The following WNT3A variants were observed in gnomAD, a reference collection of about 807,000 sequenced individuals.
The protein encoded by WNT3A is protein Wnt-3a.
WNT3A carries 17 observed loss-of-function variants against 37.0 expected under a neutral mutation model. That is an observed-to-expected ratio of 0.46 (90% CI 0.31 to 0.69). The LOEUF (loss-of-function observed/expected upper bound fraction) is 0.69. Among genes scored for constraint, WNT3A ranks in the 30% least tolerant of loss-of-function variants. The pLI is 0.05. For missense variants in WNT3A, 411 were observed against 510.2 expected (o/e 0.81, Z 1.87); for synonymous variants, 187 against 211.0 (o/e 0.89, Z 0.99).
chr1:228,036,632 C>G (rs1425112934), intron 2 of WNT3A, among the ~76,000 whole-genome samples: 2 of 152,150 alleles, frequency 1.3e-5, no homozygotes, highest in Admixed American at 6.5e-5. Flanking sequence ...GGGTAGAAAG[C>G]ATTTGAGGAA....
chr1:228,044,992 C>G (rs1451153903), intron 2 of WNT3A, among the ~76,000 whole-genome samples: 2 of 152,196 alleles, frequency 1.3e-5, no homozygotes, highest in Non-Finnish European at 2.9e-5. Context: ...GGAGCTCCAC[C>G]TCCACATGTG....
chr1:228,057,750 TC>T (rs1248876141), intron 3 of WNT3A, among the ~76,000 whole-genome samples: 1 of 152,200 alleles, frequency 6.6e-6, no homozygotes, highest in Non-Finnish European at 1.5e-5. Context: ...TTATAATTTG[TC>T]CCACAAATGA....
At chr1:228,029,743 C>G (rs187746214) in intron 2 of WNT3A, among the ~76,000 whole-genome samples, 10 of 146,682 alleles carry the variant, frequency 6.8e-5, no homozygotes, top group Admixed American at 1.3e-4. Flanking sequence ...TGTGCCCACC[C>G]CCCCCCCAAT....
At chr1:228,020,695 C>T (rs1017427830) in intron 1 of WNT3A, among the ~76,000 whole-genome samples, 4 of 152,248 alleles carry the variant, frequency 2.6e-5, no homozygotes, top group Admixed American at 1.3e-4. Context: ...AGGATACCTG[C>T]GTGTAGTGAA....
chr1:228,060,477 C>A lies in WNT3A; in HGVS notation c.*1012C>A. The A allele has an allele frequency of 7.8e-6, 3 of 384,656 alleles. No homozygotes were observed. Among genetic ancestry groups the A allele is most frequent in the Non-Finnish European group, 1.4e-5 (3 of 209,808 alleles). The allele number at this position is 384,656 out of a possible 1,614,324, so 23.8% of individuals were successfully genotyped here. On this transcript the variant is annotated 3_prime_UTR_variant, in exon 4 of 4. Coordinates refer to ENST00000284523, the MANE Select transcript of WNT3A (RefSeq NM_033131.4). ...GGGGAAAGCCTGAAGGGCCTCCCAG[C>A]CCCCAACCCCAAGACCAAGCTTAGT... is the stretch of plus-strand genomic sequence containing the variant.
At chr1:228,026,815 T>C (rs2030863401) in intron 2 of WNT3A, among the ~76,000 whole-genome samples, 1 of 152,216 alleles carries the variant, frequency 6.6e-6, no homozygotes, top group South Asian at 2.1e-4. Context: ...GTCTGAGTAG[T>C]ATTCCATGGT....
At chr1:228,034,056 G>A (rs530694792) in intron 2 of WNT3A, among the ~76,000 whole-genome samples, 96 of 152,226 alleles carry the variant, frequency 6.3e-4, no homozygotes, top group Admixed American at 1.2e-3. Context: ...GAGGTCAGGG[G>A]TTCAAGAACA....
rs1468563083 is a variant in WNT3A at position 228,038,983 on chromosome 1, T to G, written c.314-11673T>G. 2.0e-5 allele frequency among the ~76,000 whole-genome samples: 3 copies of G among 151,596 alleles called. No individual in the cohort carries two copies. Among genetic ancestry groups the G allele is most frequent in the Non-Finnish European group, 4.4e-5 (3 of 67,858 alleles). ...ACTTCCCGGTGGAGATTCAGCAGAG[T>G]TTTTCTCCTGGGCAGTGGGCAATGT... On this transcript the variant is annotated intron_variant, in intron 2 of 3. Transcript: ENST00000284523. This position sits in a 1 kb window ranked among gnomAD's most constrained non-coding sequence, Gnocchi z 5.7.
intron 3 of WNT3A, among the ~76,000 whole-genome samples, chr1:228,053,779 A>G (rs959542747): frequency 6.6e-6 from 1 of 152,222 alleles, no homozygotes; most frequent in Non-Finnish European, 1.5e-5. Context: ...TATGTCCTGG[A>G]AAGAGAGAGG....
intron 2 of WNT3A, among the ~76,000 whole-genome samples, chr1:228,043,535 C>T (rs1012689712): frequency 1.3e-5 from 2 of 152,338 alleles, no homozygotes; most frequent in African/African-American, 4.8e-5. Context: ...CCGTTTCACC[C>T]CCATAGCTGA....
rs2030749397 is a variant in WNT3A, at chr1:228,022,778, G to C, written c.183G>C (p.Glu61Asp). 1.2e-6 allele frequency: 2 copies of C among 1,614,086 alleles called. No individual in the cohort carries two copies. The highest frequency in any genetic ancestry group is 1.7e-6 in the Non-Finnish European group (2 of 1,180,056). The change falls in exon 2 of 4, where the codon GAG becomes GAC. Residue 61 changes from glutamate (E) to aspartate (D), a missense_variant. Physicochemically the swap from Glu to Asp is conservative, Grantham distance 45 (BLOSUM62 2). Coordinates refer to ENST00000284523, the MANE Select transcript of WNT3A (RefSeq NM_033131.4). Reference sequence around the variant, plus strand: ...TCCGCTTCTGCAGGAACTACGTGGAGATCATGCCCAGCGTGGCCGAGGGCA... The same window carrying C: ...TCCGCTTCTGCAGGAACTACGTGGACATCATGCCCAGCGTGGCCGAGGGCA... Reference protein sequence around the residue: ...KQLRFCRNYVEIMPSVAEGIK... With the variant: ...KQLRFCRNYVDIMPSVAEGIK...
chr1:228,026,323 G>T (rs1331823388), intron 2 of WNT3A, among the ~76,000 whole-genome samples: 1 of 152,020 alleles, frequency 6.6e-6, no homozygotes, highest in African/African-American at 2.4e-5. Context: ...GCTCTGGCTA[G>T]GACTTCCAGT....
intron 2 of WNT3A, among the ~76,000 whole-genome samples, chr1:228,047,464 C>T (rs772739792): frequency 1.4e-4 from 21 of 152,000 alleles, no homozygotes; most frequent in Non-Finnish European, 7.4e-5. Context: ...CGTGTGGGAG[C>T]GTCTGAGTGT....
chr1:228,007,458 C>A lies in WNT3A; in HGVS notation c.71+259C>A, dbSNP rs1328439860. ...GAGGTTGCGGAGGTCCTAGCTGCCC[C>A]TGGCGTCGGACAGGGCGAGCAGTGG... On this transcript the variant is annotated intron_variant, in intron 1 of 3. Transcript: ENST00000284523. This position sits in a 1 kb window ranked among gnomAD's most constrained non-coding sequence, Gnocchi z 6.0. Among the ~76,000 whole-genome samples, 3 of 152,166 alleles carry A rather than the reference C, an allele frequency of 2.0e-5. No individual in the cohort carries two copies. Among genetic ancestry groups the A allele is most frequent in the African/African-American group, 7.2e-5 (3 of 41,458 alleles).
rs540182837 is a variant in WNT3A, at chr1:228,035,000, C to T, written c.313+12092C>T. On this transcript the variant is annotated intron_variant, in intron 2 of 3. Transcript: ENST00000284523. ...ATATGCCACACAGGTATACATGTGG[C>T]GCAAATGTACACAGTCGGTCCCCTG... is the stretch of plus-strand genomic sequence containing the variant. Among the ~76,000 whole-genome samples the T allele has an allele frequency of 4.6e-4, 70 of 152,160 alleles. 1 individual carries two copies. The South Asian group carries it at 0.011, about 23-fold the overall frequency.
intron 1 of WNT3A, among the ~76,000 whole-genome samples, chr1:228,014,705 C>A (rs867595816): frequency 1.7e-4 from 26 of 152,262 alleles, no homozygotes; most frequent in African/African-American, 6.0e-4. Context: ...GCCGGGGAGG[C>A]CAGCGTGGCC....
intron 2 of WNT3A, among the ~76,000 whole-genome samples, chr1:228,027,266 A>T (rs531515580): frequency 5.3e-4 from 81 of 152,290 alleles, no homozygotes; most frequent in African/African-American, 1.9e-3. Flanking sequence ...TCATATAATG[A>T]CTTCTTTTCC....
chr1:228,044,135 C>A (rs533194674), intron 2 of WNT3A, among the ~76,000 whole-genome samples: 3 of 152,248 alleles, frequency 2.0e-5, no homozygotes, highest in South Asian at 4.2e-4. Flanking sequence ...ATGCACACCA[C>A]CATGCCCAGC....
In WNT3A at chr1:228,038,319, C is replaced by G. The variant is rs1433866816; in HGVS notation, c.314-12337C>G. On this transcript the variant is annotated intron_variant, in intron 2 of 3. Coordinates refer to ENST00000284523, the MANE Select transcript of WNT3A (RefSeq NM_033131.4). This position sits in a 1 kb window ranked among gnomAD's most constrained non-coding sequence, Gnocchi z 5.7. ...GGGGACCGGGGCGCGGGCTGAGTCC[C>G]CCTGTGTGCCCCACAGCAAAGGGTC... 6.6e-6 allele frequency among the ~76,000 whole-genome samples: 1 copy of G among 151,942 alleles called. No individual in the cohort carries two copies. The highest frequency in any genetic ancestry group is 2.4e-5 in the African/African-American group (1 of 41,448).
Sources: gnomAD v4.1 joint callset for allele counts (sites outside exome capture counted in the v4.1 genomes callset) on GRCh38, gnomAD v4.1.1 for gene constraint, Gnocchi (gnomAD v3.1) non-coding constraint, MANE v1.5 for transcripts, NCBI Gene and HGNC (gene_info 2026-07-23, HGNC 2026-07-21) for gene names.